The following PRKACB variants were observed in gnomAD, a reference collection of about 807,000 sequenced individuals.
PRKACB encodes protein kinase cAMP-activated catalytic subunit beta, also known as cAMP-dependent protein kinase catalytic subunit beta.
PRKACB carries 16 observed loss-of-function variants against 51.4 expected under a neutral mutation model. That is an observed-to-expected ratio of 0.31 (90% CI 0.21 to 0.47). The LOEUF (loss-of-function observed/expected upper bound fraction) is 0.47, where lower values mean the gene tolerates loss of function less well. Ranked by LOEUF, PRKACB falls within the 20% of genes least tolerant of loss-of-function variation. PRKACB has a pLI of 1.00. For missense variants in PRKACB, 309 were observed against 464.5 expected (o/e 0.67, Z 3.08); for synonymous variants, 147 against 154.4 (o/e 0.95, Z 0.35).
intron 1 of PRKACB, among the ~76,000 whole-genome samples, chr1:84,112,273 C>G (rs1379252002): frequency 2.9e-5 from 4 of 139,866 alleles, no homozygotes; most frequent in Non-Finnish European, 6.0e-5. Flanking sequence ...CACTCTGTCT[C>G]CCAGGCCGGA....
intron 5 of PRKACB, among the ~76,000 whole-genome samples, chr1:84,185,880 A>G (rs933734150): frequency 1.3e-5 from 2 of 152,216 alleles, no homozygotes; most frequent in Non-Finnish European, 2.9e-5. Context: ...ATAAAAATGT[A>G]GAGACAAATC....
chr1:84,172,344 A>G (rs1659783885), intron 1 of PRKACB, among the ~76,000 whole-genome samples: 1 of 151,760 alleles, frequency 6.6e-6, no homozygotes. Flanking sequence ...CAATTAAGGA[A>G]GTAAAATATA....
intron 1 of PRKACB, chr1:84,078,437 G>A (rs1647259282): frequency 6.4e-6 from 10 of 1,573,722 alleles, no homozygotes; most frequent in East Asian, 4.6e-5. Context: ...GCGCCCTCCG[G>A]GTCGCAGCTT....
At chr1:84,103,659 C>T (rs145580629) in intron 1 of PRKACB, among the ~76,000 whole-genome samples, 1 of 152,250 alleles carries the variant, frequency 6.6e-6, no homozygotes, top group East Asian at 1.9e-4. Flanking sequence ...TAGAGATGAA[C>T]AGTTCCTACT....
At chr1:84,164,297 G>A in intron 1 of PRKACB, 1 of 1,504,900 alleles carries the variant, frequency 6.6e-7, no homozygotes, top group Non-Finnish European at 8.9e-7. Context: ...ATAGTCACTA[G>A]CAACAGCACA....
Position 84,178,972 on chromosome 1 carries a change from A to G in PRKACB, c.188-205A>G, listed in dbSNP as rs3729862. 2,230 of 434,392 alleles carry G rather than the reference A, an allele frequency of 5.1e-3. 60 individuals are homozygous for G. The highest frequency in any genetic ancestry group is 0.044 in the African/African-American group (2,103 of 48,170). 26.9% of individuals were successfully genotyped at this position (434,392 alleles called of 1,614,324 possible). On this transcript the variant is annotated intron_variant, in intron 1 of 9. Transcript: ENST00000370685. Reference sequence around the variant, plus strand: ...ATTATCAAAGTGGTTTCTTTATAGAACAATATTAGAGAATCTTAGAGATTT... The same window carrying G: ...ATTATCAAAGTGGTTTCTTTATAGAGCAATATTAGAGAATCTTAGAGATTT...
chr1:84,154,189 A>T (rs1246611208), intron 1 of PRKACB, among the ~76,000 whole-genome samples: 2 of 152,130 alleles, frequency 1.3e-5, no homozygotes, highest in Non-Finnish European at 2.9e-5. Context: ...TGCCTATTCA[A>T]GTCACCTGCC....
intron 1 of PRKACB, among the ~76,000 whole-genome samples, chr1:84,150,458 T>G (rs953175346): frequency 1.3e-5 from 2 of 152,148 alleles, no homozygotes; most frequent in African/African-American, 2.4e-5. Flanking sequence ...AAATCTCATG[T>G]TGGAATGTGA....
intron 1 of PRKACB, among the ~76,000 whole-genome samples, chr1:84,095,818 A>T (rs946075719): frequency 1.2e-4 from 18 of 151,708 alleles, no homozygotes; most frequent in Non-Finnish European, 1.5e-5. Context: ...TAATCTCTAG[A>T]TTTTCCAGTT....
At chr1:84,149,420 C>T (rs1027828175) in intron 1 of PRKACB, among the ~76,000 whole-genome samples, 8 of 151,964 alleles carry the variant, frequency 5.3e-5, no homozygotes, top group African/African-American at 7.2e-5. Context: ...CCACCATACC[C>T]GGCTAATTTT....
At chr1:84,116,063 A>G (rs979189603) in intron 1 of PRKACB, among the ~76,000 whole-genome samples, 2 of 152,134 alleles carry the variant, frequency 1.3e-5, no homozygotes, top group East Asian at 3.8e-4. Context: ...TTCATTCTGC[A>G]TGTGGCTATT....
intron 1 of PRKACB, among the ~76,000 whole-genome samples, chr1:84,092,829 G>A (rs1648589568): frequency 6.7e-6 from 1 of 148,748 alleles, no homozygotes; most frequent in East Asian, 2.0e-4. Context: ...GACTGATAGT[G>A]TTGATCACTT....
At chr1:84,106,297 T>C (rs971690626) in intron 1 of PRKACB, among the ~76,000 whole-genome samples, 1 of 152,074 alleles carries the variant, frequency 6.6e-6, no homozygotes, top group South Asian at 2.1e-4. Flanking sequence ...GGCATTCAAA[T>C]AGGAAGAGGG....
At chr1:84,106,427 T>C (rs1028901368) in intron 1 of PRKACB, among the ~76,000 whole-genome samples, 1 of 152,194 alleles carries the variant, frequency 6.6e-6, no homozygotes, top group Non-Finnish European at 1.5e-5. Context: ...TACAAATAAA[T>C]ATACAAAAGT....
At chr1:84,205,778 T>TA (rs1671244437) in intron 8 of PRKACB, among the ~76,000 whole-genome samples, 1 of 152,148 alleles carries the variant, frequency 6.6e-6, no homozygotes, top group Non-Finnish European at 1.5e-5. Context: ...ATCAACTTGT[T>TA]AGATTCTCTC....
intron 5 of PRKACB, among the ~76,000 whole-genome samples, chr1:84,195,416 A>G (rs1667934380): frequency 6.6e-6 from 1 of 152,218 alleles, no homozygotes; most frequent in East Asian, 1.9e-4. Flanking sequence ...ATTCATACCA[A>G]CCATCTTGAG....
Position 84,144,544 on chromosome 1 carries a change from A to T in PRKACB, c.183A>T (p.Arg61Ser). The T allele has an allele frequency of 1.3e-6, 2 of 1,563,198 alleles. No homozygotes were observed. Among genetic ancestry groups the T allele is most frequent in the Non-Finnish European group, 1.7e-6 (2 of 1,163,110 alleles). ...HFSEHTALWD[R>S]SMKEFLAKAK... ...CTGAACATACTGCCTTATGGGACAGATCAAGTAAGTTTTGTTTTTTAAATG... is the reference window on the plus strand; with the variant it reads ...CTGAACATACTGCCTTATGGGACAGTTCAAGTAAGTTTTGTTTTTTAAATG... Residue 61 changes from arginine to serine, a missense_variant, in exon 1 of 10, where the codon AGA (arginine) becomes AGT (serine). Arg to Ser is a moderately radical substitution (Grantham distance 110). Around this residue, in one of 3 missense-constraint regions of PRKACB, gnomAD observed 153 missense variants for 190.2 expected, o/e 0.80. Transcript: ENST00000370685.
chr1:84,134,231 A>T (rs564201525), intron 1 of PRKACB, among the ~76,000 whole-genome samples: 1 of 151,736 alleles, frequency 6.6e-6, no homozygotes, highest in Non-Finnish European at 1.5e-5. Context: ...TGGGTATAGG[A>T]TTTGGGGCAG....
intron 1 of PRKACB, among the ~76,000 whole-genome samples, chr1:84,110,066 G>A (rs2812453): frequency 0.24 from 37,070 of 151,690 alleles, 4,697 homozygotes; most frequent in South Asian, 0.3. Flanking sequence ...GTGTATGTGT[G>A]CATATATACA....
Sources: allele counts gnomAD v4.1 joint callset (sites outside exome capture counted in the v4.1 genomes callset), GRCh38; gene constraint gnomAD v4.1.1; regional missense constraint gnomAD v4.1.1; transcripts MANE v1.5; gene names NCBI Gene and HGNC (gene_info 2026-07-23, HGNC 2026-07-21).